The following KLHL29 variants were observed in gnomAD, a reference collection of about 807,000 sequenced individuals.
KLHL29 encodes the protein kelch-like protein 29.
Under a neutral mutation model 80.4 loss-of-function variants are expected in KLHL29, and 21 were observed. The ratio of observed to expected loss-of-function variants is 0.26; its 90% CI spans 0.19 to 0.38. KLHL29 has a LOEUF of 0.38. Among genes scored for constraint, KLHL29 ranks in the 10% least tolerant of loss-of-function variants. KLHL29 has a pLI of 1.00. For missense variants in KLHL29, 867 were observed against 1,223.9 expected, an observed-to-expected ratio of 0.71 and a Z score of 4.35; for synonymous variants, 511 against 526.8, an observed-to-expected ratio of 0.97 and a Z score of 0.41.
chr2:23,409,981 C>T (rs1283245633), intron 1 of KLHL29, among the ~76,000 whole-genome samples: 1 of 152,058 alleles, frequency 6.6e-6, no homozygotes, highest in Non-Finnish European at 1.5e-5. Flanking sequence ...GATACATGTG[C>T]AGGAGAGAGT....
chr2:23,445,734 C>T (rs1472367037), intron 1 of KLHL29, among the ~76,000 whole-genome samples: 2 of 152,236 alleles, frequency 1.3e-5, no homozygotes, highest in Non-Finnish European at 2.9e-5. Flanking sequence ...TGTGAGAACA[C>T]GTGTCTCCAC....
chr2:23,501,171 A>G (rs1047471920), intron 2 of KLHL29, among the ~76,000 whole-genome samples: 5 of 152,100 alleles, frequency 3.3e-5, no homozygotes, highest in Admixed American at 1.3e-4. Context: ...GACTCCAATC[A>G]GAAATCCCCA....
chr2:23,403,847 T>C (rs1392754739), intron 1 of KLHL29, among the ~76,000 whole-genome samples: 1 of 151,990 alleles, frequency 6.6e-6, no homozygotes, highest in Non-Finnish European at 1.5e-5. Context: ...TGTGCGTGTG[T>C]GTGCATATGT....
intron 2 of KLHL29, among the ~76,000 whole-genome samples, chr2:23,496,532 G>A (rs983242722): frequency 1.3e-5 from 2 of 152,126 alleles, no homozygotes; most frequent in Non-Finnish European, 2.9e-5. Flanking sequence ...CCCCCAAAAA[G>A]GGTACCCCGC....
chr2:23,592,551 G>T (rs530836584), intron 3 of KLHL29, among the ~76,000 whole-genome samples: 20 of 152,374 alleles, frequency 1.3e-4, no homozygotes, highest in African/African-American at 4.8e-4. Context: ...AGAGATGTGT[G>T]CAGGCCCTGC....
At position 23,696,063 on chromosome 2, in the gene KLHL29, G is replaced by A. The variant is rs1365253468; in HGVS notation, c.1854G>A (p.Leu618=). The change falls in exon 10 of 14, where the codon TTG becomes TTA. Residue 618 remains leucine, a synonymous_variant. Coordinates refer to ENST00000486442, the MANE Select transcript of KLHL29 (RefSeq NM_052920.2). The surrounding 1 kb of genome is among the most constrained non-coding windows in gnomAD (Gnocchi z 5.5). ...WNPQNNKWYP[L]ASLPFYDREF... ...CGCAGAACAACAAGTGGTACCCCTT[G>A]GCCTCGCTGCCCTTCTATGACCGCG... 5.8e-6 allele frequency: 9 copies of A among 1,551,682 alleles called. No individual in the cohort carries two copies. In the Admixed American group the frequency reaches 1.4e-4, roughly 24 times the overall value.
intron 2 of KLHL29, among the ~76,000 whole-genome samples, chr2:23,494,228 A>G (rs1665189388): frequency 6.6e-6 from 1 of 152,206 alleles, no homozygotes; most frequent in Non-Finnish European, 1.5e-5. Context: ...CCTAGCACAA[A>G]TTTATTCAGG....
chr2:23,428,405 A>G (rs1277012395), intron 1 of KLHL29, among the ~76,000 whole-genome samples: 2 of 152,070 alleles, frequency 1.3e-5, no homozygotes, highest in African/African-American at 2.4e-5. Context: ...CTCAACTTCT[A>G]TCCCTCCTTC....
intron 1 of KLHL29, among the ~76,000 whole-genome samples, chr2:23,464,934 C>G (rs1664305860): frequency 6.6e-6 from 1 of 152,182 alleles, no homozygotes; most frequent in Non-Finnish European, 1.5e-5. Context: ...GAGCATGTAT[C>G]TATGTGCTCT....
intron 1 of KLHL29, among the ~76,000 whole-genome samples, chr2:23,386,003 G>T (rs976502324): frequency 6.6e-6 from 1 of 150,422 alleles, no homozygotes; most frequent in Admixed American, 6.6e-5. Context: ...GGAAAAAAAG[G>T]GGGGGAAAAA....
chr2:23,530,129 A>T (rs950181919), intron 2 of KLHL29, among the ~76,000 whole-genome samples: 2 of 152,114 alleles, frequency 1.3e-5, no homozygotes, highest in African/African-American at 4.8e-5. Context: ...GGGTGTACAC[A>T]GTCACACTGC....
intron 5 of KLHL29, among the ~76,000 whole-genome samples, chr2:23,649,675 C>T (rs1670035308): frequency 6.6e-6 from 1 of 152,362 alleles, no homozygotes; most frequent in Non-Finnish European, 1.5e-5. Context: ...GTCAGAAGCC[C>T]TGCTCTGGCC....
At chr2:23,578,224 A>G (rs1240839291) in intron 3 of KLHL29, among the ~76,000 whole-genome samples, 1 of 152,170 alleles carries the variant, frequency 6.6e-6, no homozygotes, top group Non-Finnish European at 1.5e-5. Context: ...CATTAATCCT[A>G]GCTGGGGTAC....
intron 1 of KLHL29, among the ~76,000 whole-genome samples, chr2:23,439,148 G>A (rs962915084): frequency 6.6e-6 from 1 of 150,588 alleles, no homozygotes; most frequent in Non-Finnish European, 1.5e-5. Flanking sequence ...TGTGGGATTG[G>A]TGGTGATATC....
At chr2:23,418,818 G>C (rs1662684529) in intron 1 of KLHL29, among the ~76,000 whole-genome samples, 1 of 151,956 alleles carries the variant, frequency 6.6e-6, no homozygotes, top group Non-Finnish European at 1.5e-5. Flanking sequence ...AAAAAAGAAA[G>C]ACTACAGAGC....
chr2:23,568,112 G>A (rs116136603), intron 3 of KLHL29, among the ~76,000 whole-genome samples: 23 of 152,148 alleles, frequency 1.5e-4, no homozygotes, highest in African/African-American at 5.1e-4. Context: ...TGAGTGGCCC[G>A]AACTTAAATT....
chr2:23,442,181 C>G (rs1312445302), intron 1 of KLHL29, among the ~76,000 whole-genome samples: 1 of 152,090 alleles, frequency 6.6e-6, no homozygotes, highest in Non-Finnish European at 1.5e-5. Context: ...TCTCCTACCT[C>G]CCAGGCTCAA....
chr2:23,484,296 G>C (rs1163043758), intron 2 of KLHL29, among the ~76,000 whole-genome samples: 2 of 152,210 alleles, frequency 1.3e-5, no homozygotes, highest in South Asian at 2.1e-4. Flanking sequence ...CTCACACACA[G>C]AGCCCGAGCT....
intron 3 of KLHL29, among the ~76,000 whole-genome samples, chr2:23,598,786 A>G (rs912746081): frequency 1.7e-4 from 26 of 152,210 alleles, no homozygotes; most frequent in African/African-American, 5.1e-4. Context: ...CTTTCTTCCA[A>G]TAATGGGATG....
Sources: gnomAD v4.1 joint callset for allele counts (sites outside exome capture counted in the v4.1 genomes callset) on GRCh38, gnomAD v4.1.1 for gene constraint, Gnocchi (gnomAD v3.1) non-coding constraint, MANE v1.5 for transcripts, NCBI Gene and HGNC (gene_info 2026-07-23, HGNC 2026-07-21) for gene names.